The following TRPM3 variants were observed in gnomAD, a reference collection of about 807,000 sequenced individuals.
The protein encoded by TRPM3 is long transient receptor potential channel 3.
TRPM3 carries 77 observed loss-of-function variants against 181.2 expected under a neutral mutation model. That is an observed-to-expected ratio of 0.42 (90% CI 0.35 to 0.51). The LOEUF (loss-of-function observed/expected upper bound fraction) is 0.51. Ranked by LOEUF, TRPM3 falls within the 20% of genes least tolerant of loss-of-function variation. The pLI is 0.01. For missense variants in TRPM3, 1,759 were observed against 2,196.7 expected, an observed-to-expected ratio of 0.80 and a Z score of 3.98; for synonymous variants, 745 against 796.4, an observed-to-expected ratio of 0.94 and a Z score of 1.09.
rs542032362 is a variant in TRPM3, at chr9:71,151,010, ACTGT to A, written c.184-286503_184-286500del. On this transcript the variant is annotated intron_variant, in intron 1 of 24. Transcript: ENST00000357533. ...TAAATGGTGTTGAGATGACTGGGAA[ACTGT>A]CTGGCAAAAATTCAGATTTGATCTC... 4.7e-4 allele frequency among the ~76,000 whole-genome samples: 72 copies of A among 152,288 alleles called. 1 individual carries two copies. Among genetic ancestry groups the A allele is most frequent in the African/African-American group, 1.4e-3 (58 of 41,566 alleles).
intron 1 of TRPM3, among the ~76,000 whole-genome samples, chr9:71,127,065 A>G (rs1048044812): frequency 9.5e-5 from 9 of 94,712 alleles, no homozygotes; most frequent in South Asian, 3.8e-4. Flanking sequence ...AGTTTTTAGG[A>G]AAAAACAAAA....
chr9:71,413,585 A>C (rs1366495837), intron 1 of TRPM3, among the ~76,000 whole-genome samples: 3 of 152,090 alleles, frequency 2.0e-5, no homozygotes, highest in Non-Finnish European at 4.4e-5. Context: ...GTGTCCCCCA[A>C]AATTCATGTA....
chr9:71,210,162 T>A (rs2079398654), intron 1 of TRPM3, among the ~76,000 whole-genome samples: 1 of 152,106 alleles, frequency 6.6e-6, no homozygotes, highest in Non-Finnish European at 1.5e-5. Context: ...CAGCATTAGG[T>A]TCTCATAGAA....
intron 1 of TRPM3, among the ~76,000 whole-genome samples, chr9:71,143,953 C>G (rs537095200): frequency 6.6e-6 from 1 of 152,246 alleles, no homozygotes; most frequent in East Asian, 1.9e-4. Context: ...TGATGTTGAG[C>G]TTTCCATATG....
intron 1 of TRPM3, among the ~76,000 whole-genome samples, chr9:71,177,556 T>C (rs985050593): frequency 6.6e-6 from 1 of 152,104 alleles, no homozygotes; most frequent in African/African-American, 2.4e-5. Flanking sequence ...CATCGTTAAA[T>C]GACCTACGAC....
chr9:70,951,386 G>C (rs2096997590), intron 1 of TRPM3, among the ~76,000 whole-genome samples: 1 of 152,128 alleles, frequency 6.6e-6, no homozygotes, highest in Middle Eastern at 3.4e-3. Context: ...TTGTTGCCTG[G>C]GCTGGAGTGA....
chr9:70,673,995 A>C (rs1455388273), intron 9 of TRPM3, among the ~76,000 whole-genome samples: 1 of 151,840 alleles, frequency 6.6e-6, no homozygotes, highest in Admixed American at 6.6e-5. Context: ...GTATCTCATA[A>C]AAATGTCAAC....
At chr9:70,917,074 G>C in intron 1 of TRPM3, 1 of 1,597,004 alleles carries the variant, frequency 6.3e-7, no homozygotes, top group Non-Finnish European at 8.6e-7. Flanking sequence ...ACTGAGGAAA[G>C]CACTGCAACA....
intron 1 of TRPM3, among the ~76,000 whole-genome samples, chr9:71,168,563 T>G (rs369140768): frequency 0.55 from 58,540 of 106,316 alleles, 17,630 homozygotes; most frequent in Non-Finnish European, 0.59. Context: ...TTTATTTATT[T>G]ATTTATTTAT....
intron 1 of TRPM3, among the ~76,000 whole-genome samples, chr9:71,377,258 G>A (rs1038571650): frequency 6.6e-5 from 10 of 151,962 alleles, no homozygotes; most frequent in Non-Finnish European, 1.5e-4. Context: ...AATAAATCTA[G>A]AATATATGGA....
At chr9:70,837,362 A>G (rs2094391558) in intron 5 of TRPM3, among the ~76,000 whole-genome samples, 1 of 152,244 alleles carries the variant, frequency 6.6e-6, no homozygotes. Context: ...CTTACAGGCT[A>G]TAAAACTTGG....
At chr9:71,179,602 C>G (rs1043551047) in intron 1 of TRPM3, among the ~76,000 whole-genome samples, 1 of 152,070 alleles carries the variant, frequency 6.6e-6, no homozygotes, top group Non-Finnish European at 1.5e-5. Context: ...TCTGTAGAAA[C>G]TGAAACTGTA....
chr9:71,375,041 C>A (rs1253656544), intron 1 of TRPM3, among the ~76,000 whole-genome samples: 1 of 152,096 alleles, frequency 6.6e-6, no homozygotes, highest in Non-Finnish European at 1.5e-5. Context: ...AGATTCCATG[C>A]ATTCCCATTA....
chr9:71,437,964 G>A lies in TRPM3; in HGVS notation c.183+8689C>T, dbSNP rs932384701. Among the ~76,000 whole-genome samples, 4 of 152,066 alleles carry A rather than the reference G, an allele frequency of 2.6e-5. No individual in the cohort carries two copies. In the East Asian group the frequency reaches 7.7e-4, roughly 29 times the overall value. ...CTTCTCTAAGCAATCATCCCCAGTGGTGGCTAATACCCAAAAATGAGAGAC... is the reference window on the plus strand; with the variant it reads ...CTTCTCTAAGCAATCATCCCCAGTGATGGCTAATACCCAAAAATGAGAGAC... On this transcript the variant is annotated intron_variant, in intron 1 of 24. Coordinates refer to the TRPM3 transcript ENST00000357533.
intron 1 of TRPM3, among the ~76,000 whole-genome samples, chr9:71,370,981 G>C (rs1470281573): frequency 4.0e-5 from 6 of 151,748 alleles, no homozygotes. Flanking sequence ...TTTACAAATG[G>C]AAAAGCAAAG....
At chr9:71,059,734 G>T (rs891691404) in intron 1 of TRPM3, among the ~76,000 whole-genome samples, 1 of 152,048 alleles carries the variant, frequency 6.6e-6, no homozygotes, top group Non-Finnish European at 1.5e-5. Context: ...ATCAATTCCT[G>T]TCTCAGTCTC....
intron 1 of TRPM3, among the ~76,000 whole-genome samples, chr9:71,314,089 T>C (rs563744346): frequency 6.6e-6 from 1 of 152,276 alleles, no homozygotes; most frequent in East Asian, 1.9e-4. Flanking sequence ...TATTTAACTA[T>C]TCTCCATATT....
At chr9:70,791,775 G>T (rs563867888) in intron 6 of TRPM3, among the ~76,000 whole-genome samples, 2 of 152,200 alleles carry the variant, frequency 1.3e-5, no homozygotes, top group South Asian at 4.1e-4. Flanking sequence ...TTTTCCTAGG[G>T]ACTGAGAATG....
intron 25 of TRPM3, 80 bp downstream of exon 25, chr9:70,549,462 T>C: frequency 6.7e-7 from 1 of 1,491,322 alleles, no homozygotes. Flanking sequence ...CTCTGTTTTG[T>C]GACCGTGTGA....
Sources: allele counts gnomAD v4.1 joint callset (sites outside exome capture counted in the v4.1 genomes callset), GRCh38; gene constraint gnomAD v4.1.1; transcripts MANE v1.5; gene names NCBI Gene and HGNC (gene_info 2026-07-23, HGNC 2026-07-21).